CAMK1D: variants seen among roughly 807,000 people sequenced by gnomAD.
The protein encoded by CAMK1D is calcium/calmodulin dependent protein kinase ID, also known as calcium/calmodulin-dependent protein kinase type 1D.
A neutral mutation model predicts 47.7 loss-of-function variants in CAMK1D; 9 were observed. That is an observed-to-expected ratio of 0.19 (90% CI 0.11 to 0.33). The LOEUF is 0.33. Among genes scored for constraint, CAMK1D ranks in the 10% least tolerant of loss-of-function variants. The pLI, the probability that CAMK1D is intolerant of heterozygous loss-of-function variation, is 1.00. For synonymous variants in CAMK1D, 184 were observed against 184.9 expected, an observed-to-expected ratio of 0.99 and a Z score of 0.04; for missense variants, 291 against 488.7, an observed-to-expected ratio of 0.60 and a Z score of 3.81.
chr10:12,368,670 T>C (rs918555078), intron 1 of CAMK1D, among the ~76,000 whole-genome samples: 1 of 150,536 alleles, frequency 6.6e-6, no homozygotes, highest in Non-Finnish European at 1.5e-5. Context: ...TTCACACCTG[T>C]AATCCTAGCA....
At chr10:12,393,825 G>T (rs1272915024) in intron 1 of CAMK1D, among the ~76,000 whole-genome samples, 3 of 152,218 alleles carry the variant, frequency 2.0e-5, no homozygotes, top group African/African-American at 4.8e-5. Flanking sequence ...TCAAGGGCGG[G>T]AGGTGAAGGA....
intron 5 of CAMK1D, among the ~76,000 whole-genome samples, chr10:12,788,174 C>T (rs1837817770): frequency 6.6e-6 from 1 of 151,570 alleles, no homozygotes; most frequent in African/African-American, 2.4e-5. Context: ...AAGCAGAAAT[C>T]TTTTATTTTA....
intron 1 of CAMK1D, among the ~76,000 whole-genome samples, chr10:12,429,687 C>T (rs562052487): frequency 2.6e-5 from 4 of 152,300 alleles, no homozygotes; most frequent in African/African-American, 9.6e-5. Context: ...CCTCTTCAGT[C>T]ATCCACCTCA....
intron 1 of CAMK1D, among the ~76,000 whole-genome samples, chr10:12,475,969 A>T (rs771679399): frequency 1.6e-4 from 24 of 152,126 alleles, no homozygotes; most frequent in Non-Finnish European, 2.9e-4. Flanking sequence ...GGAATTCATC[A>T]GTTTGCACTA....
At chr10:12,395,330 G>C (rs1430787961) in intron 1 of CAMK1D, among the ~76,000 whole-genome samples, 1 of 151,750 alleles carries the variant, frequency 6.6e-6, no homozygotes, top group African/African-American at 2.4e-5. Flanking sequence ...GCAGAGGTTT[G>C]GGAATGGGGC....
chr10:12,533,720 G>A (rs1289459649), intron 1 of CAMK1D, among the ~76,000 whole-genome samples: 2 of 152,124 alleles, frequency 1.3e-5, no homozygotes, highest in Non-Finnish European at 2.9e-5. Flanking sequence ...AAATTGGTAG[G>A]AACAGTTAGT....
chr10:12,803,282 T>C (rs1407362819), intron 6 of CAMK1D, among the ~76,000 whole-genome samples: 1 of 152,238 alleles, frequency 6.6e-6, no homozygotes, highest in African/African-American at 2.4e-5. Context: ...CACTGTCCCA[T>C]TTAAATAAGG....
intron 1 of CAMK1D, among the ~76,000 whole-genome samples, chr10:12,415,384 G>T (rs1281868929): frequency 7.3e-5 from 11 of 150,936 alleles, no homozygotes; most frequent in Non-Finnish European, 1.6e-4. Flanking sequence ...CGCCTCCCAG[G>T]TTCAAGCGAT....
intron 1 of CAMK1D, among the ~76,000 whole-genome samples, chr10:12,361,749 T>C (rs900036362): frequency 2.0e-5 from 3 of 151,510 alleles, no homozygotes; most frequent in African/African-American, 7.3e-5. Flanking sequence ...AGAGACGAGG[T>C]TTCACCATGT....
chr10:12,714,532 A>G (rs927833074), intron 3 of CAMK1D, among the ~76,000 whole-genome samples: 1 of 152,140 alleles, frequency 6.6e-6, no homozygotes, highest in Non-Finnish European at 1.5e-5. Context: ...CAGCCTGGCC[A>G]ACATGATGAA....
chr10:12,615,917 GGTGT>G (rs1016464449), intron 2 of CAMK1D, among the ~76,000 whole-genome samples: 4 of 150,826 alleles, frequency 2.7e-5, no homozygotes, highest in South Asian at 2.1e-4. Flanking sequence ...TGTGTGTATA[GGTGT>G]GTGTATGTGT....
At chr10:12,661,283 A>G (rs1840267260) in intron 2 of CAMK1D, among the ~76,000 whole-genome samples, 1 of 152,208 alleles carries the variant, frequency 6.6e-6, no homozygotes, top group African/African-American at 2.4e-5. Context: ...GAAATAACTG[A>G]ATTTATATGA....
At chr10:12,821,270 C>T (rs1234272207) in intron 8 of CAMK1D, among the ~76,000 whole-genome samples, 1 of 152,278 alleles carries the variant, frequency 6.6e-6, no homozygotes, top group East Asian at 1.9e-4. Flanking sequence ...AAATGTTCAT[C>T]TCATCTAAAA....
At chr10:12,739,442 ATTTTT>A (rs1186963710) in intron 3 of CAMK1D, among the ~76,000 whole-genome samples, 5 of 127,730 alleles carry the variant, frequency 3.9e-5, no homozygotes, top group African/African-American at 6.0e-5. Context: ...CACCCGGCTA[ATTTTT>A]TTTTTTTTTT....
intron 2 of CAMK1D, among the ~76,000 whole-genome samples, chr10:12,653,415 A>G (rs990499353): frequency 4.6e-5 from 7 of 152,240 alleles, no homozygotes; most frequent in Non-Finnish European, 1.0e-4. Flanking sequence ...AATTATGTTT[A>G]AAAACACACA....
At chr10:12,762,412 T>C (rs548563603) in intron 4 of CAMK1D, among the ~76,000 whole-genome samples, 1 of 152,330 alleles carries the variant, frequency 6.6e-6, no homozygotes, top group East Asian at 1.9e-4. Context: ...AGGAATAAAG[T>C]GGTGTAGCTT....
At chr10:12,602,396 A>G (rs1838328677) in intron 2 of CAMK1D, among the ~76,000 whole-genome samples, 1 of 152,124 alleles carries the variant, frequency 6.6e-6, no homozygotes, top group Non-Finnish European at 1.5e-5. Context: ...TCATGTTCAT[A>G]GGTGGTCTAC....
intron 1 of CAMK1D, among the ~76,000 whole-genome samples, chr10:12,533,550 A>C (rs1041191391): frequency 2.0e-5 from 3 of 152,174 alleles, no homozygotes; most frequent in African/African-American, 7.2e-5. Flanking sequence ...GTTAGGTATT[A>C]AGCTTTTGTC....
intron 3 of CAMK1D, among the ~76,000 whole-genome samples, chr10:12,675,693 C>G (rs1032829398): frequency 1.3e-5 from 2 of 152,200 alleles, no homozygotes; most frequent in African/African-American, 4.8e-5. Flanking sequence ...CAGATCTTAT[C>G]ACGCCTTTGT....
Sources: allele counts gnomAD v4.1 joint callset (sites outside exome capture counted in the v4.1 genomes callset), GRCh38; gene constraint gnomAD v4.1.1; transcripts MANE v1.5; gene names NCBI Gene and HGNC (gene_info 2026-07-23, HGNC 2026-07-21).